ETV5: variants seen among roughly 807,000 people sequenced by gnomAD.
ETV5 encodes ETS translocation variant 5.
In ETV5, 10 loss-of-function variants were observed where a neutral mutation model predicts 70.0. The observed-to-expected ratio is 0.14, with a 90% CI of 0.09 to 0.24. The LOEUF (loss-of-function observed/expected upper bound fraction) is 0.24. Among genes scored for constraint, ETV5 ranks in the 10% least tolerant of loss-of-function variants. ETV5 has a pLI of 1.00. For missense variants in ETV5, 453 were observed against 651.2 expected (o/e 0.70, Z 3.31); for synonymous variants, 216 against 242.2 (o/e 0.89, Z 1.01).
chr3:186,102,401 G>T (rs147542660), intron 5 of ETV5, among the ~76,000 whole-genome samples: 2 of 152,246 alleles, frequency 1.3e-5, no homozygotes, highest in African/African-American at 4.8e-5. Context: ...GGGAGGCTAA[G>T]GTGGGCGGAT....
intron 8 of ETV5, among the ~76,000 whole-genome samples, chr3:186,065,502 C>T (rs748631906): frequency 9.9e-5 from 15 of 152,148 alleles, no homozygotes; most frequent in African/African-American, 1.7e-4. Flanking sequence ...CAGAGAAGGT[C>T]GAGCAAATTC....
intron 7 of ETV5, among the ~76,000 whole-genome samples, chr3:186,079,497 A>C (rs1413642874): frequency 6.6e-6 from 1 of 152,182 alleles, no homozygotes; most frequent in East Asian, 1.9e-4. Flanking sequence ...GGAGTCAGGA[A>C]CCTGCCCTCA....
chr3:186,071,976 T>C (rs1281055832), intron 7 of ETV5, among the ~76,000 whole-genome samples: 1 of 151,546 alleles, frequency 6.6e-6, no homozygotes, highest in African/African-American at 2.4e-5. Flanking sequence ...TTTTTTGTAT[T>C]GTTAGTAGAG....
intron 7 of ETV5, among the ~76,000 whole-genome samples, chr3:186,071,339 C>T (rs907671312): frequency 2.2e-4 from 33 of 152,162 alleles, no homozygotes; most frequent in South Asian, 2.1e-4. Context: ...TTAGTACTTC[C>T]GTTAAGGCTC....
intron 1 of ETV5, chr3:186,108,310 C>G (rs745987838): frequency 4.4e-6 from 2 of 454,110 alleles, no homozygotes; most frequent in Non-Finnish European, 8.8e-6. Context: ...TCCGGTGCGC[C>G]CCGATTTTCT....
intron 5 of ETV5, among the ~76,000 whole-genome samples, chr3:186,097,234 T>G (rs1055901762): frequency 7.5e-6 from 1 of 134,194 alleles, no homozygotes; most frequent in Non-Finnish European, 1.5e-5. Flanking sequence ...CCCCCATTGC[T>G]CAGTACCAGA....
chr3:186,076,585 G>A (rs908681963), intron 7 of ETV5: 7 of 184,524 alleles, frequency 3.8e-5, no homozygotes, highest in African/African-American at 1.4e-4. Flanking sequence ...GTGCCGCCAT[G>A]TGTGGCAAGG....
In ETV5 at chr3:186,105,185, A is replaced by T. The variant is rs1374179233; in HGVS notation, c.232+120T>A. 16 of 726,634 alleles carry T rather than the reference A, an allele frequency of 2.2e-5. No individual in the cohort carries two copies. The highest frequency in any genetic ancestry group is 3.4e-5 in the Non-Finnish European group (15 of 442,936). The allele number at this position is 726,634 out of a possible 1,614,324, so 45.0% of individuals were successfully genotyped here. ...AGGGTTAATTCTGAATTATTAGAAG[A>T]AACTAAATGCATACTACTGTCTAAA... On this transcript the variant is annotated intron_variant, in intron 5 of 12. Coordinates refer to ENST00000306376, the MANE Select transcript of ETV5 (RefSeq NM_004454.3). The surrounding 1 kb of genome is among the most constrained non-coding windows in gnomAD (Gnocchi z 4.5).
chr3:186,101,051 C>T (rs981360267), intron 5 of ETV5, among the ~76,000 whole-genome samples: 2 of 152,140 alleles, frequency 1.3e-5, no homozygotes, highest in African/African-American at 4.8e-5. Flanking sequence ...CCAATCTTAT[C>T]CATGGCATAG....
chr3:186,105,014 T>G lies in ETV5; in HGVS notation c.232+291A>C. The G allele has an allele frequency of 1.6e-5, 4 of 246,868 alleles. No homozygotes were observed. Among genetic ancestry groups the G allele is most frequent in the Admixed American group, 5.3e-5 (1 of 19,042 alleles). 15.3% of individuals were successfully genotyped at this position (246,868 alleles called of 1,614,324 possible). A position where few individuals can be genotyped will look rare whatever the true frequency, so the allele number is the denominator to read the frequency against. On this transcript the variant is annotated intron_variant, in intron 5 of 12. Coordinates refer to ENST00000306376, the MANE Select transcript of ETV5 (RefSeq NM_004454.3). This position sits in a 1 kb window ranked among gnomAD's most constrained non-coding sequence, Gnocchi z 4.5. Reference sequence around the variant, plus strand: ...GCCTCAGCCTCCCAAAGCCCTGGGATTATAGGTGTGAGCCACTGTGCCCAG... The same window carrying G: ...GCCTCAGCCTCCCAAAGCCCTGGGAGTATAGGTGTGAGCCACTGTGCCCAG...
rs1337029911 is a variant in ETV5, at chr3:186,057,375, C to T, written c.1039+48G>A. ...GAGAGTCATGGCTGAGGTGTTCTGA[C>T]ACCTCCAAACCTCTACCTGGCAACA... On this transcript the variant is annotated intron_variant, in intron 10 of 12. Coordinates refer to ENST00000306376, the MANE Select transcript of ETV5 (RefSeq NM_004454.3). This position sits in a 1 kb window ranked among gnomAD's most constrained non-coding sequence, Gnocchi z 4.9. 3 of 1,608,856 alleles carry T rather than the reference C, an allele frequency of 1.9e-6. No homozygotes were observed. The highest frequency in any genetic ancestry group is 1.3e-5 in the African/African-American group (1 of 74,792).
intron 9 of ETV5, among the ~76,000 whole-genome samples, chr3:186,059,090 A>T (rs1359213750): frequency 2.0e-5 from 3 of 152,098 alleles, no homozygotes; most frequent in African/African-American, 4.8e-5. Context: ...GCCAAGGTAT[A>T]ATTTCACCAT....
intron 1 of ETV5, among the ~76,000 whole-genome samples, chr3:186,106,769 CG>C (rs1714598132): frequency 6.6e-6 from 1 of 151,864 alleles, no homozygotes; most frequent in African/African-American, 2.4e-5. Context: ...CATTTCAGGA[CG>C]GGTAAGTGTG....
intron 5 of ETV5, among the ~76,000 whole-genome samples, chr3:186,086,113 G>A (rs532247792): frequency 2.0e-5 from 3 of 152,316 alleles, no homozygotes; most frequent in East Asian, 3.9e-4. Context: ...TTGACTATAA[G>A]AACTCTGCTA....
At chr3:186,075,149 CAG>C (rs1713750627) in intron 7 of ETV5, among the ~76,000 whole-genome samples, 2 of 152,106 alleles carry the variant, frequency 1.3e-5, no homozygotes, top group African/African-American at 2.4e-5. Flanking sequence ...TCTTAAGACT[CAG>C]AACTAAAAAA....
chr3:186,079,416 T>A, intron 7 of ETV5: 1 of 241,068 alleles, frequency 4.1e-6, no homozygotes, highest in Non-Finnish European at 8.0e-6. Flanking sequence ...AATCAGCAAT[T>A]GTCCCTTATA....
chr3:186,099,662 A>G (rs544835778), intron 5 of ETV5, among the ~76,000 whole-genome samples: 4 of 152,208 alleles, frequency 2.6e-5, no homozygotes, highest in Non-Finnish European at 1.5e-5. Flanking sequence ...AATTAAAACA[A>G]TGATACTACT....
At position 186,046,399 on chromosome 3, in the gene ETV5, G is replaced by A. The variant is rs1414714142; in HGVS notation, c.*2240C>T. 8.7e-6 allele frequency: 2 copies of A among 228,658 alleles called. No individual in the cohort carries two copies. Among genetic ancestry groups the A allele is most frequent in the African/African-American group, 2.2e-5 (1 of 44,966 alleles). 14.2% of individuals were successfully genotyped at this position (228,658 alleles called of 1,614,324 possible). ...GGCAGGATGCATACGGCCCTGCGCA[G>A]GGGAAAGTATTTCAAATCAGCTGGC... On this transcript the variant is annotated 3_prime_UTR_variant, in exon 13 of 13. Transcript: ENST00000306376.
At chr3:186,064,089 G>GT in intron 9 of ETV5, 1 of 262,580 alleles carries the variant, frequency 3.8e-6, no homozygotes, top group South Asian at 9.7e-5. Context: ...AGGTGGGTTT[G>GT]TTTTTTCTCC....
Sources: gnomAD v4.1 joint callset for allele counts (sites outside exome capture counted in the v4.1 genomes callset) on GRCh38, gnomAD v4.1.1 for gene constraint, Gnocchi (gnomAD v3.1) non-coding constraint, MANE v1.5 for transcripts, NCBI Gene and HGNC (gene_info 2026-07-23, HGNC 2026-07-21) for gene names.